Variants in FAIM observed in about 807,000 individuals in gnomAD.
FAIM encodes Fas apoptotic inhibitory molecule.
Under a neutral mutation model 21.2 loss-of-function variants are expected in FAIM, and 14 were observed. The ratio of observed to expected loss-of-function variants is 0.66; its 90% confidence interval spans 0.44 to 1.03. The LOEUF (loss-of-function observed/expected upper bound fraction) is 1.03, where lower values mean the gene tolerates loss of function less well. Ranked by LOEUF, FAIM falls within the 50% of genes least tolerant of loss-of-function variation. The pLI is 0.00. For missense variants in FAIM, 222 were observed against 247.1 expected, an observed-to-expected ratio of 0.90 and a Z score of 0.68; for synonymous variants, 86 against 80.4, an observed-to-expected ratio of 1.07 and a Z score of -0.37.
intron 1 of FAIM, among the ~76,000 whole-genome samples, chr3:138,618,526 G>A (rs900232572): frequency 2.6e-5 from 4 of 152,078 alleles, no homozygotes; most frequent in African/African-American, 9.7e-5. Flanking sequence ...AAATTAGCCG[G>A]ATGTGGTGGC....
Position 138,619,710 on chromosome 3 carries a change from G to C in FAIM, c.-16-1G>C. 1 of 1,612,630 alleles carries C rather than the reference G, an allele frequency of 6.2e-7. No homozygotes were observed. Among genetic ancestry groups the C allele is most frequent in the Non-Finnish European group, 8.5e-7 (1 of 1,179,564 alleles). ...TTTCCTGGCTGCTAATTGGATTAAA[G>C]ACTGTTTTTGCCAACCATGGCATCT... is the stretch of plus-strand genomic sequence containing the variant. On this transcript the variant is annotated splice_acceptor_variant, in intron 1 of 5. Transcript: ENST00000360570. LOFTEE classifies it low-confidence loss of function (5UTR_SPLICE).
chr3:138,616,298 G>A (rs2042824487), intron 1 of FAIM, among the ~76,000 whole-genome samples: 1 of 152,154 alleles, frequency 6.6e-6, no homozygotes, highest in Admixed American at 6.5e-5. Context: ...CTTTTAAAAT[G>A]GTACAAAATT....
chr3:138,627,744 G>A (rs12636246), intron 4 of FAIM, among the ~76,000 whole-genome samples: 50,543 of 151,918 alleles, frequency 0.33, 10,425 homozygotes, highest in East Asian at 0.55. Context: ...TGCCACTGAG[G>A]TGACCCCTGC....
At chr3:138,614,214 A>C (rs2042801742) in intron 1 of FAIM, among the ~76,000 whole-genome samples, 2 of 152,082 alleles carry the variant, frequency 1.3e-5, no homozygotes, top group Non-Finnish European at 2.9e-5. Context: ...CCGAGGTGGG[A>C]GGATCACTTG....
At position 138,623,556 on chromosome 3, in the gene FAIM, A is replaced by G. The variant is rs570378836; in HGVS notation, c.406+1140A>G. Among the ~76,000 whole-genome samples, 4 of 151,802 alleles carry G rather than the reference A, an allele frequency of 2.6e-5. No homozygotes were observed. The South Asian group carries it at 6.3e-4, about 24-fold the overall frequency. ...AACTTTAAAAAAATTTTTTGTAGAG[A>G]CAGGGTCTTGCCATGTTGGCCAGGC... is the stretch of plus-strand genomic sequence containing the variant. On this transcript the variant is annotated intron_variant, in intron 4 of 5. Coordinates refer to ENST00000360570, the MANE Select transcript of FAIM (RefSeq NM_001033031.2).
intron 3 of FAIM, 51 bp downstream of exon 3, chr3:138,621,590 AT>A (rs754477687): frequency 1.9e-6 from 3 of 1,544,724 alleles, no homozygotes; most frequent in Non-Finnish European, 2.6e-6. Context: ...GAGAAACTTG[AT>A]TTTGTTAAAG....
chr3:138,632,004 T>G (rs1013031138), intron 5 of FAIM, among the ~76,000 whole-genome samples: 64 of 151,970 alleles, frequency 4.2e-4, no homozygotes, highest in Middle Eastern at 3.4e-3. Flanking sequence ...AGCCAGGGGG[T>G]TTAAGTCTGA....
At chr3:138,612,622 T>C (rs1046935698) in intron 1 of FAIM, among the ~76,000 whole-genome samples, 22 of 152,352 alleles carry the variant, frequency 1.4e-4, no homozygotes, top group African/African-American at 2.6e-4. Flanking sequence ...CTTTTGGCTA[T>C]TGGAAAATGC....
chr3:138,629,600 C>T, intron 5 of FAIM: 1 of 154,760 alleles, frequency 6.5e-6, no homozygotes, highest in Non-Finnish European at 1.4e-5. Flanking sequence ...GCTGCTAATG[C>T]TACTGGTCCA....
intron 1 of FAIM, among the ~76,000 whole-genome samples, chr3:138,615,620 A>G (rs1481044038): frequency 6.6e-6 from 1 of 152,110 alleles, no homozygotes; most frequent in African/African-American, 2.4e-5. Context: ...ATTTTATTTC[A>G]TGTTTCCCTA....
intron 4 of FAIM, among the ~76,000 whole-genome samples, chr3:138,628,179 C>T (rs2042960188): frequency 2.0e-5 from 3 of 152,154 alleles, no homozygotes; most frequent in Non-Finnish European, 4.4e-5. Context: ...GTGCAGTCCA[C>T]CAGCTATACC....
Position 138,621,409 on chromosome 3 carries a change from C to G in FAIM, c.47C>G (p.Pro16Arg). ...DSPIFEDDES[P>R]PYSLEKMTDL... The stretch of plus-strand genomic sequence containing the variant: ...ATTGCTTTATTTTATTCCTTTAGCC[C>G]TCCTTACAGCCTAGAAAAAATGACA... The change falls in exon 3 of 6, where the codon CCT becomes CGT. Residue 16 changes from proline to arginine, a missense_variant and splice_region_variant. Physicochemically the swap from Pro to Arg is moderately radical, Grantham distance 103. Coordinates refer to ENST00000360570, the MANE Select transcript of FAIM (RefSeq NM_001033031.2). 6.2e-7 allele frequency: 1 copy of G among 1,613,502 alleles called. No individual in the cohort carries two copies. The highest frequency in any genetic ancestry group is 1.1e-5 in the South Asian group (1 of 91,014).
intron 1 of FAIM, among the ~76,000 whole-genome samples, chr3:138,612,538 T>G (rs1362768691): frequency 6.6e-6 from 1 of 152,222 alleles, no homozygotes; most frequent in Admixed American, 6.5e-5. Flanking sequence ...CTTCTCAGCC[T>G]TTTGGCCGAG....
intron 2 of FAIM, 150 bp from the exon 3 acceptor site, chr3:138,621,257 C>G: frequency 2.7e-6 from 2 of 727,782 alleles, no homozygotes; most frequent in Non-Finnish European, 4.5e-6. Flanking sequence ...AAAATAGTTA[C>G]ATGTACTGTG....
At position 138,622,432 on chromosome 3, in the gene FAIM, T is replaced by C; in HGVS notation, c.406+16T>C. On this transcript the variant is annotated intron_variant, in intron 4 of 5. Transcript: ENST00000360570. Reference sequence around the variant, plus strand: ...ATTGTTTTGGGTAAGTTAGTGCTGTTTCCGCAGAACTTTTTTTTTTTTTTT... The same window carrying C: ...ATTGTTTTGGGTAAGTTAGTGCTGTCTCCGCAGAACTTTTTTTTTTTTTTT... The C allele has an allele frequency of 6.6e-7, 1 of 1,514,188 alleles. No homozygotes were observed. The highest frequency in any genetic ancestry group is 8.9e-7 in the Non-Finnish European group (1 of 1,124,682). The allele number at this position is 1,514,188 out of a possible 1,614,324, so 93.8% of individuals were successfully genotyped here.
intron 4 of FAIM, among the ~76,000 whole-genome samples, chr3:138,624,338 C>T (rs1483008343): frequency 2.0e-5 from 3 of 152,156 alleles, no homozygotes; most frequent in East Asian, 1.9e-4. Flanking sequence ...GAAGAGACTG[C>T]CTGAGCTATG....
intron 5 of FAIM, 116 bp from the exon 6 acceptor site, chr3:138,632,811 CTTA>C (rs2043019621): frequency 1.0e-6 from 1 of 1,003,838 alleles, no homozygotes; most frequent in African/African-American, 1.7e-5. Flanking sequence ...TTTTTCAAAG[CTTA>C]TTGTTTAACT....
At chr3:138,632,356 A>G (rs934713988) in intron 5 of FAIM, among the ~76,000 whole-genome samples, 1 of 150,166 alleles carries the variant, frequency 6.7e-6, no homozygotes, top group Admixed American at 6.6e-5. Flanking sequence ...ATATTTAAAC[A>G]GCATATCTAT....
At chr3:138,611,229 C>T (rs1167241410) in intron 1 of FAIM, among the ~76,000 whole-genome samples, 1 of 151,808 alleles carries the variant, frequency 6.6e-6, no homozygotes, top group Non-Finnish European at 1.5e-5. Context: ...GGTGCAGTTG[C>T]ATCCCAAGAA....
Sources: gnomAD v4.1 joint callset for allele counts (sites outside exome capture counted in the v4.1 genomes callset) on GRCh38, gnomAD v4.1.1 for gene constraint, MANE v1.5 for transcripts, NCBI Gene and HGNC (gene_info 2026-07-23, HGNC 2026-07-21) for gene names.